The following DMD variants were observed in gnomAD, a reference collection of about 807,000 sequenced individuals.
DMD encodes the protein dystrophin, also known as mutant dystrophin.
DMD carries 63 observed loss-of-function variants against 330.1 expected under a neutral mutation model. That is an observed-to-expected ratio of 0.19 (90% confidence interval 0.16 to 0.24). The LOEUF is 0.24. Ranked by LOEUF, DMD falls within the 10% of genes least tolerant of loss-of-function variation. The pLI is 1.00. For synonymous variants in DMD, 1,223 were observed against 959.8 expected, an observed-to-expected ratio of 1.27 and a Z score of -5.07; for missense variants, 3,344 against 2,684.1, an observed-to-expected ratio of 1.25 and a Z score of -5.43.
intron 67 of DMD, among the ~76,000 whole-genome samples, chrX:31,193,671 A>G (rs2042601290): frequency 8.9e-6 from 1 of 111,966 alleles, no homozygotes; most frequent in African/African-American, 3.2e-5. Context: ...TTTACAAGGA[A>G]AGTATCTTGT....
intron 62 of DMD, among the ~76,000 whole-genome samples, chrX:31,279,383 C>T (rs1264820305): frequency 1.8e-5 from 2 of 112,047 alleles, no homozygotes; most frequent in Non-Finnish European, 3.8e-5. Flanking sequence ...TGCAACATGG[C>T]CAAAAGTTCT....
At chrX:31,481,939 C>T (rs761160086) in intron 57 of DMD, among the ~76,000 whole-genome samples, 2 of 111,287 alleles carry the variant, frequency 1.8e-5, no homozygotes, top group South Asian at 3.8e-4. Flanking sequence ...CACAGAGAAC[C>T]TTTCAGAATG....
At chrX:31,408,007 C>A in intron 60 of DMD, among the ~76,000 whole-genome samples, 1 of 111,811 alleles carries the variant, frequency 8.9e-6, no homozygotes, top group Middle Eastern at 4.6e-3. Context: ...CAAACAAACG[C>A]AAAGTGGTCT....
intron 12 of DMD, among the ~76,000 whole-genome samples, chrX:32,597,711 A>G (rs2055724088): frequency 8.9e-6 from 1 of 111,859 alleles, no homozygotes; most frequent in East Asian, 2.8e-4. Context: ...TTTTGTAATG[A>G]TGAACAGGGG....
intron 2 of DMD, among the ~76,000 whole-genome samples, chrX:32,950,212 A>C (rs1159882236): frequency 9.0e-6 from 1 of 111,281 alleles, no homozygotes; most frequent in Non-Finnish European, 1.9e-5. Context: ...TAGTAACAGC[A>C]ATGACAACAT....
Position 32,026,611 on chromosome X carries a change from G to A in DMD, c.6439-58097C>T, listed in dbSNP as rs183945313. 1.6e-4 allele frequency among the ~76,000 whole-genome samples: 18 copies of A among 112,348 alleles called. No individual in the cohort carries two copies. In the East Asian group the frequency reaches 5.0e-3, roughly 31 times the overall value. On this transcript the variant is annotated intron_variant, in intron 44 of 78. Coordinates refer to ENST00000357033, the MANE Select transcript of DMD (RefSeq NM_004006.3). ...TCATAAAACACTTTTCAATTGTAGA[G>A]ACTAAATTATTTTCCTCCTAAATAT...
intron 2 of DMD, among the ~76,000 whole-genome samples, chrX:32,893,379 T>C (rs1257968947): frequency 8.9e-6 from 1 of 111,903 alleles, no homozygotes; most frequent in Non-Finnish European, 1.9e-5. Context: ...TTACTCATTC[T>C]CTCATGTCTT....
chrX:31,549,109 T>G (rs1372118985), intron 55 of DMD, among the ~76,000 whole-genome samples: 1 of 111,409 alleles, frequency 9.0e-6, no homozygotes, highest in Non-Finnish European at 1.9e-5. Flanking sequence ...TTGTGTGAAA[T>G]TAGAAAACTA....
Position 32,849,716 on chromosome X carries a change from T to C in DMD, c.186+12A>G, listed in dbSNP as rs1178573441. ...AGTTTAAAGTTAACTTTCTTAAAAATAAGTCACATACCAGTTTTTGCCCTG... is the reference window on the plus strand; with the variant it reads ...AGTTTAAAGTTAACTTTCTTAAAAACAAGTCACATACCAGTTTTTGCCCTG... On this transcript the variant is annotated intron_variant, in intron 3 of 78. Transcript: ENST00000357033. The C allele has an allele frequency of 4.0e-5, 46 of 1,154,988 alleles. No individual in the cohort carries two copies. The Admixed American group carries it at 9.9e-4, about 25-fold the overall frequency.
intron 37 of DMD, among the ~76,000 whole-genome samples, chrX:32,360,082 T>A (rs1241099596): frequency 9.0e-6 from 1 of 111,546 alleles, no homozygotes; most frequent in African/African-American, 3.3e-5. Context: ...TTTTCTCTGG[T>A]GAGATTACCT....
intron 30 of DMD, among the ~76,000 whole-genome samples, chrX:32,393,752 A>C (rs2098020609): frequency 9.0e-6 from 1 of 111,352 alleles, no homozygotes; most frequent in African/African-American, 3.3e-5. Flanking sequence ...AATAAAGAGA[A>C]AGAACAGTCA....
chrX:31,623,728 G>A (rs1378304372), intron 55 of DMD, among the ~76,000 whole-genome samples: 1 of 111,371 alleles, frequency 9.0e-6, no homozygotes, highest in African/African-American at 3.3e-5. Flanking sequence ...GATTAGGGAA[G>A]GGAGTGATTT....
intron 62 of DMD, among the ~76,000 whole-genome samples, chrX:31,289,110 T>G (rs994692173): frequency 1.9e-5 from 2 of 107,809 alleles, no homozygotes; most frequent in African/African-American, 6.8e-5. Flanking sequence ...TGAAACTCTA[T>G]CTCTATAAAA....
At chrX:32,572,363 T>G (rs1268444597) in intron 15 of DMD, among the ~76,000 whole-genome samples, 1 of 111,457 alleles carries the variant, frequency 9.0e-6, no homozygotes, top group Non-Finnish European at 1.9e-5. Flanking sequence ...AAGGTGAAAT[T>G]ATGGAACACT....
intron 53 of DMD, among the ~76,000 whole-genome samples, chrX:31,666,516 A>G (rs1339579273): frequency 2.7e-5 from 3 of 112,366 alleles, no homozygotes; most frequent in Non-Finnish European, 5.6e-5. Flanking sequence ...GCTGACTGAC[A>G]TACCTATTCA....
chrX:32,456,600 GTGTGTGTGTGTGTGTGTA>G (rs1397729475), intron 25 of DMD, among the ~76,000 whole-genome samples: 34 of 102,952 alleles, frequency 3.3e-4, no homozygotes, highest in African/African-American at 1.2e-3. Context: ...GTGTGTGTGT[GTGTGTGTGTGTGTGTGTA>G]TGTGTGTGTG....
intron 43 of DMD, among the ~76,000 whole-genome samples, chrX:32,220,822 T>A (rs1370690053): frequency 1.8e-5 from 2 of 110,341 alleles, no homozygotes; most frequent in African/African-American, 6.6e-5. Flanking sequence ...GAAACAAATA[T>A]AATTTTTGCC....
intron 43 of DMD, among the ~76,000 whole-genome samples, chrX:32,239,460 C>T (rs953421194): frequency 1.8e-5 from 2 of 111,853 alleles, no homozygotes; most frequent in Non-Finnish European, 3.8e-5. Flanking sequence ...ACACAGCCTA[C>T]CCCGCTATCA....
intron 20 of DMD, 124 bp from the exon 21 acceptor site, chrX:32,485,223 G>T: frequency 1.6e-6 from 1 of 636,637 alleles, no homozygotes. Context: ...TATCTGATAA[G>T]AAACATCCAT....
Sources: gnomAD v4.1 joint callset for allele counts (sites outside exome capture counted in the v4.1 genomes callset) on GRCh38, gnomAD v4.1.1 for gene constraint, MANE v1.5 for transcripts, NCBI Gene and HGNC (gene_info 2026-07-23, HGNC 2026-07-21) for gene names.